PTGER3: variants seen among roughly 807,000 people sequenced by gnomAD.
PTGER3 encodes prostaglandin E2 receptor EP3 subtype.
Under a neutral mutation model 34.7 loss-of-function variants are expected in PTGER3, and 22 were observed. The ratio of observed to expected loss-of-function variants is 0.63; its 90% CI spans 0.45 to 0.91. The LOEUF is 0.91. Among genes scored for constraint, PTGER3 ranks in the 40% least tolerant of loss-of-function variants. The pLI, the probability that PTGER3 is intolerant of heterozygous loss-of-function variation, is 0.00. For missense variants in PTGER3, 468 were observed against 519.4 expected (o/e 0.90, Z 0.96); for synonymous variants, 241 against 230.1 (o/e 1.05, Z -0.43).
downstream of PTGER3, chr1:70,951,044 C>T (rs1016533151): frequency 6.6e-6 from 1 of 152,118 alleles, no homozygotes; most frequent in Middle Eastern, 3.2e-3. Context: ...AATTTGCTTC[C>T]TTTGTAAATG....
intron 2 of PTGER3, among the ~76,000 whole-genome samples, chr1:70,979,399 C>T (rs1036450798): frequency 6.6e-6 from 1 of 150,902 alleles, no homozygotes; most frequent in African/African-American, 2.4e-5. Context: ...CATTATTTAG[C>T]TGTAAAAAGA....
intron 1 of PTGER3, among the ~76,000 whole-genome samples, chr1:71,026,384 T>A (rs75901627): frequency 0.038 from 5,722 of 152,294 alleles, 135 homozygotes; most frequent in Non-Finnish European, 0.053. Context: ...ATATTTATAT[T>A]ACTCATTGTA....
At chr1:71,046,382 A>T (rs114052363) in intron 1 of PTGER3, among the ~76,000 whole-genome samples, 1 of 151,918 alleles carries the variant, frequency 6.6e-6, no homozygotes, top group African/African-American at 2.4e-5. Flanking sequence ...AGCTCTGCAT[A>T]TATGTCATTT....
At chr1:70,894,490 C>A (rs1166205144) in intron 4 of PTGER3, among the ~76,000 whole-genome samples, 1 of 152,070 alleles carries the variant, frequency 6.6e-6, no homozygotes, top group East Asian at 1.9e-4. Context: ...TATTTCAGAA[C>A]ACTTTGGTTG....
intron 1 of PTGER3, among the ~76,000 whole-genome samples, chr1:71,037,086 C>G (rs1296847839): frequency 6.6e-6 from 1 of 152,164 alleles, no homozygotes; most frequent in Admixed American, 6.5e-5. Flanking sequence ...AGACCCAGTA[C>G]AGTTGGGGCC....
chr1:70,908,566 G>GT (rs1434126462), intron 4 of PTGER3, among the ~76,000 whole-genome samples: 1 of 152,086 alleles, frequency 6.6e-6, no homozygotes, highest in African/African-American at 2.4e-5. Context: ...TTCCCTTCCT[G>GT]TTTCACTTTC....
intron 4 of PTGER3, among the ~76,000 whole-genome samples, chr1:70,902,334 C>G (rs1646858346): frequency 6.6e-6 from 1 of 152,198 alleles, no homozygotes; most frequent in African/African-American, 2.4e-5. Context: ...CCATGCAGTT[C>G]TACACGGTTC....
At chr1:71,021,768 T>C (rs1037514531) in intron 1 of PTGER3, among the ~76,000 whole-genome samples, 1 of 151,738 alleles carries the variant, frequency 6.6e-6, no homozygotes, top group Admixed American at 6.6e-5. Context: ...GTGAATTAAT[T>C]GTGTGTGCAG....
chr1:70,934,303 CT>C (rs1261835721), intron 4 of PTGER3, among the ~76,000 whole-genome samples: 5 of 152,010 alleles, frequency 3.3e-5, no homozygotes, highest in Non-Finnish European at 7.4e-5. Context: ...CATATTGTTC[CT>C]TTTTTTTCTT....
intron 4 of PTGER3, among the ~76,000 whole-genome samples, chr1:70,877,496 T>C (rs1198695561): frequency 6.6e-6 from 1 of 152,154 alleles, no homozygotes; most frequent in Non-Finnish European, 1.5e-5. Context: ...CTATCTTAAA[T>C]AGGGGTGGTG....
At chr1:70,882,656 T>A (rs1367987337) in intron 4 of PTGER3, among the ~76,000 whole-genome samples, 1 of 152,188 alleles carries the variant, frequency 6.6e-6, no homozygotes, top group Non-Finnish European at 1.5e-5. Context: ...TACCTCAGTT[T>A]ATTATCACAG....
chr1:70,933,045 A>G (rs1425932336), intron 4 of PTGER3, among the ~76,000 whole-genome samples: 2 of 152,164 alleles, frequency 1.3e-5, no homozygotes, highest in Non-Finnish European at 2.9e-5. Context: ...TTGTGTTATA[A>G]TTATTTAATT....
At chr1:71,043,054 T>C (rs1319877422) in intron 1 of PTGER3, among the ~76,000 whole-genome samples, 2 of 152,238 alleles carry the variant, frequency 1.3e-5, no homozygotes, top group African/African-American at 4.8e-5. Context: ...GTTATAAAAG[T>C]ACAAAATGTA....
chr1:71,017,584 C>T (rs892797856), intron 1 of PTGER3, among the ~76,000 whole-genome samples: 2 of 152,036 alleles, frequency 1.3e-5, no homozygotes, highest in African/African-American at 4.8e-5. Flanking sequence ...GGCAGACTTC[C>T]CCCTTGCTGT....
chr1:70,892,101 T>TA (rs1646630171), intron 4 of PTGER3, among the ~76,000 whole-genome samples: 2 of 152,184 alleles, frequency 1.3e-5, no homozygotes, highest in African/African-American at 4.8e-5. Flanking sequence ...CTATGTAACC[T>TA]CTTGTGAAAA....
intron 1 of PTGER3, among the ~76,000 whole-genome samples, chr1:71,013,655 T>C (rs1252111692): frequency 6.7e-6 from 1 of 149,624 alleles, no homozygotes; most frequent in Non-Finnish European, 1.5e-5. Flanking sequence ...TGAGCCAGGA[T>C]CATGCCATTG....
At chr1:71,033,079 C>G (rs1437444995) in intron 1 of PTGER3, among the ~76,000 whole-genome samples, 2 of 152,104 alleles carry the variant, frequency 1.3e-5, no homozygotes, top group Non-Finnish European at 2.9e-5. Flanking sequence ...TCAAATTTAC[C>G]TCCTAATTCT....
chr1:71,011,289 C>T (rs1203651769), intron 2 of PTGER3: 13 of 984,606 alleles, frequency 1.3e-5, no homozygotes, highest in African/African-American at 1.8e-5. Flanking sequence ...TATAAATAGG[C>T]CAAAATATGG....
rs371724424 is a variant in PTGER3, at chr1:70,853,707, G to C, written c.*24-848C>G. Among the ~76,000 whole-genome samples the C allele has an allele frequency of 2.7e-4, 41 of 152,244 alleles. No homozygotes were observed. The South Asian group carries it at 7.5e-3, about 28-fold the overall frequency. ...TTCAAATAAGAAAAAGAAAAAACGT[G>C]TTTTAAATAGGTTAAGTGATCCCAA... On this transcript the variant is annotated intron_variant, in intron 4 of 4. Coordinates refer to the PTGER3 transcript ENST00000370931.
Sources: allele counts gnomAD v4.1 joint callset (sites outside exome capture counted in the v4.1 genomes callset), GRCh38; gene constraint gnomAD v4.1.1; transcripts MANE v1.5; gene names NCBI Gene and HGNC (gene_info 2026-07-23, HGNC 2026-07-21).